The following RPS6KC1 variants were observed in gnomAD, a reference collection of about 807,000 sequenced individuals.
RPS6KC1 encodes inactive ribosomal protein S6 kinase delta-1.
A neutral mutation model predicts 103.8 loss-of-function variants in RPS6KC1; 54 were observed. That is an observed-to-expected ratio of 0.52 (90% CI 0.42 to 0.65). RPS6KC1 has a LOEUF of 0.65. RPS6KC1 is among the 30% of genes least tolerant of loss of function. RPS6KC1 has a pLI of 0.00. For missense variants in RPS6KC1, 1,151 were observed against 1,253.8 expected, an observed-to-expected ratio of 0.92 and a Z score of 1.24; for synonymous variants, 439 against 438.7, an observed-to-expected ratio of 1.00 and a Z score of -0.01.
chr1:213,833,516 C>T, the RPS6KC1 span, among the ~76,000 whole-genome samples: 21,726 of 152,230 alleles, frequency 0.14, 1,739 homozygotes, highest in South Asian at 0.29. Flanking sequence ...CTCCCTGCCA[C>T]CTAGAAGAGT....
the RPS6KC1 span, among the ~76,000 whole-genome samples, chr1:213,357,933 T>C: frequency 6.6e-6 from 1 of 152,110 alleles, no homozygotes; most frequent in Admixed American, 6.5e-5. Context: ...TACCTTGTGG[T>C]CGTTCTTGAT....
chr1:213,510,288 C>T, the RPS6KC1 span, among the ~76,000 whole-genome samples: 4 of 152,184 alleles, frequency 2.6e-5, no homozygotes. Context: ...ATCCGGAGTA[C>T]TTCCAGTAAG....
chr1:213,545,420 T>TAAATAAAA, the RPS6KC1 span, among the ~76,000 whole-genome samples: 1 of 73,306 alleles, frequency 1.4e-5, no homozygotes, highest in African/African-American at 3.7e-5. Context: ...ATAAATAAAA[T>TAAATAAAA]AAAATAAAAT....
the RPS6KC1 span, among the ~76,000 whole-genome samples, chr1:213,571,468 T>C: frequency 6.6e-6 from 1 of 151,154 alleles, no homozygotes; most frequent in Non-Finnish European, 1.5e-5. Context: ...TAGGGCAGAG[T>C]TTTCTGGGTC....
intron 6 of RPS6KC1, among the ~76,000 whole-genome samples, chr1:213,156,950 A>T (rs995480044): frequency 9.9e-5 from 15 of 151,354 alleles, no homozygotes; most frequent in African/African-American, 3.6e-4. Context: ...TCACTGTTTT[A>T]TATGGTTTGC....
At chr1:213,151,117 G>A (rs2088748715) in intron 6 of RPS6KC1, among the ~76,000 whole-genome samples, 1 of 146,194 alleles carries the variant, frequency 6.8e-6, no homozygotes, top group African/African-American at 2.5e-5. Context: ...GGCTGGGCGG[G>A]GGGCTGACCC....
chr1:213,482,971 TTTG>T, the RPS6KC1 span, among the ~76,000 whole-genome samples: 1 of 152,232 alleles, frequency 6.6e-6, no homozygotes, highest in Non-Finnish European at 1.5e-5. Context: ...ATGATATCTC[TTTG>T]TTGTTGTTCT....
the RPS6KC1 span, among the ~76,000 whole-genome samples, chr1:213,834,421 CCT>C: frequency 2.0e-5 from 3 of 152,144 alleles, no homozygotes; most frequent in African/African-American, 7.2e-5. Flanking sequence ...ATAGGAGCAT[CCT>C]CTCTGGCACT....
the RPS6KC1 span, among the ~76,000 whole-genome samples, chr1:213,501,346 T>A: frequency 6.6e-6 from 1 of 152,144 alleles, no homozygotes. Flanking sequence ...AAAATTATGT[T>A]CTCCCAACTC....
the RPS6KC1 span, among the ~76,000 whole-genome samples, chr1:213,629,784 G>C: frequency 6.6e-6 from 1 of 152,040 alleles, no homozygotes; most frequent in African/African-American, 2.4e-5. Flanking sequence ...GCCTGGTGGT[G>C]ACAAAATCTC....
At chr1:213,168,485 G>T (rs1221894205) in intron 7 of RPS6KC1, among the ~76,000 whole-genome samples, 1 of 152,126 alleles carries the variant, frequency 6.6e-6, no homozygotes, top group African/African-American at 2.4e-5. Context: ...AACATTGCAG[G>T]TTATTATTGT....
the RPS6KC1 span, among the ~76,000 whole-genome samples, chr1:213,756,738 T>C: frequency 1.3e-5 from 2 of 152,014 alleles, no homozygotes; most frequent in Non-Finnish European, 2.9e-5. Flanking sequence ...CACCTCACCC[T>C]CTCAAGTATT....
At chr1:213,417,994 C>T in the RPS6KC1 span, among the ~76,000 whole-genome samples, 2 of 152,200 alleles carry the variant, frequency 1.3e-5, no homozygotes, top group African/African-American at 4.8e-5. Context: ...GTCCCGGCCA[C>T]ATGCTCTCTG....
intron 6 of RPS6KC1, among the ~76,000 whole-genome samples, chr1:213,165,433 G>T (rs1279767996): frequency 1.3e-5 from 2 of 149,182 alleles, no homozygotes; most frequent in Non-Finnish European, 1.5e-5. Context: ...TGTTGTTTTT[G>T]TTTTTTTTGA....
the RPS6KC1 span, among the ~76,000 whole-genome samples, chr1:213,672,968 T>A: frequency 2.6e-5 from 4 of 152,182 alleles, no homozygotes; most frequent in African/African-American, 7.2e-5. Context: ...AGAAAAATTA[T>A]CAAAATCTGT....
In RPS6KC1 at chr1:213,070,172, G is replaced by C. The variant is rs191791339; in HGVS notation, c.106-834G>C. Among the ~76,000 whole-genome samples, 5 of 152,146 alleles carry C rather than the reference G, an allele frequency of 3.3e-5. No homozygotes were observed. In the East Asian group the frequency reaches 5.8e-4, roughly 18 times the overall value. ...CTTTTTTTTAATTGAAAGTTTTATT[G>C]TGCTAATTGTAGATTCATATACAGT... On this transcript the variant is annotated intron_variant, in intron 1 of 14. Coordinates refer to ENST00000366960, the MANE Select transcript of RPS6KC1 (RefSeq NM_012424.6).
the RPS6KC1 span, among the ~76,000 whole-genome samples, chr1:213,585,673 C>T: frequency 6.6e-6 from 1 of 152,152 alleles, no homozygotes; most frequent in Non-Finnish European, 1.5e-5. Context: ...TATGCTGCCA[C>T]CTCTGGGGAC....
At chr1:213,661,676 T>C in the RPS6KC1 span, among the ~76,000 whole-genome samples, 3 of 152,112 alleles carry the variant, frequency 2.0e-5, no homozygotes, top group African/African-American at 4.8e-5. Flanking sequence ...ATGAAACAAT[T>C]AGGGATTTAT....
At chr1:213,849,211 T>C in the RPS6KC1 span, among the ~76,000 whole-genome samples, 1 of 152,162 alleles carries the variant, frequency 6.6e-6, no homozygotes, top group Admixed American at 6.5e-5. Flanking sequence ...GGGTCACCTC[T>C]GGGTGCTAAA....
Sources: gnomAD v4.1 joint callset for allele counts (sites outside exome capture counted in the v4.1 genomes callset) on GRCh38, gnomAD v4.1.1 for gene constraint, MANE v1.5 for transcripts, NCBI Gene and HGNC (gene_info 2026-07-23, HGNC 2026-07-21) for gene names.